SNUPN: variants seen among roughly 807,000 people sequenced by gnomAD.
The protein encoded by SNUPN is snurportin-1.
In SNUPN, 31 loss-of-function variants were observed where a neutral mutation model predicts 39.2. The ratio of observed to expected loss-of-function variants is 0.79; its 90% confidence interval spans 0.59 to 1.07. The LOEUF is 1.07. Among genes scored for constraint, SNUPN ranks in the 50% least tolerant of loss-of-function variants. The probability of loss-of-function intolerance (pLI) is 0.00; values close to 1 mark genes in which losing one functional copy is unlikely to be tolerated. For synonymous variants in SNUPN, 132 were observed against 159.0 expected (o/e 0.83, Z 1.28); for missense variants, 382 against 434.2 (o/e 0.88, Z 1.07).
At chr15:75,611,848 C>A in intron 3 of SNUPN, among the ~76,000 whole-genome samples, 1 of 151,766 alleles carries the variant, frequency 6.6e-6, no homozygotes, top group East Asian at 2.0e-4. Flanking sequence ...AGCGAGACCC[C>A]GTCTCAAAAA....
chr15:75,602,936 G>A (rs2075300454), intron 7 of SNUPN, among the ~76,000 whole-genome samples: 1 of 152,030 alleles, frequency 6.6e-6, no homozygotes, highest in Non-Finnish European at 1.5e-5. Context: ...CTTTTGTAGA[G>A]ATGGGGTTTT....
rs560019097 is a variant in SNUPN, at chr15:75,609,767, C to T, written c.409-116G>A. Reference sequence around the variant, plus strand: ...AGATGGCTCTCAACAAACCTTCCTGCAGGAAAGTGTTTCAAGCTCCACTCC... The same window carrying T: ...AGATGGCTCTCAACAAACCTTCCTGTAGGAAAGTGTTTCAAGCTCCACTCC... On this transcript the variant is annotated intron_variant, in intron 4 of 8. Coordinates refer to ENST00000308588, the MANE Select transcript of SNUPN (RefSeq NM_005701.4). 35 of 1,141,910 alleles carry T rather than the reference C, an allele frequency of 3.1e-5. No individual in the cohort carries two copies. In the East Asian group the frequency reaches 8.0e-4, roughly 26 times the overall value. 70.7% of individuals were successfully genotyped at this position (1,141,910 alleles called of 1,614,324 possible).
chr15:75,609,174 C>CTTTTTTT (rs1205961290), intron 5 of SNUPN, among the ~76,000 whole-genome samples: 4 of 89,672 alleles, frequency 4.5e-5, no homozygotes, highest in Non-Finnish European at 9.6e-5. Context: ...CAAAGTGGGT[C>CTTTTTTT]TTTTTTTTTT....
At chr15:75,623,928 T>A (rs1893143393) in intron 1 of SNUPN, among the ~76,000 whole-genome samples, 2 of 144,284 alleles carry the variant, frequency 1.4e-5, no homozygotes, top group Admixed American at 1.4e-4. Context: ...TGATAAAATT[T>A]TTTTTTTTTT....
At chr15:75,620,648 A>C (rs1457259854) in intron 2 of SNUPN, among the ~76,000 whole-genome samples, 2 of 152,168 alleles carry the variant, frequency 1.3e-5, no homozygotes, top group African/African-American at 2.4e-5. Flanking sequence ...AGAAAAACTT[A>C]ACCAAATAAT....
At chr15:75,605,641 A>T (rs1595982891) in intron 6 of SNUPN, among the ~76,000 whole-genome samples, 1 of 152,318 alleles carries the variant, frequency 6.6e-6, no homozygotes, top group African/African-American at 2.4e-5. Flanking sequence ...TTGGAAATTT[A>T]AAAAGATACA....
intron 1 of SNUPN, among the ~76,000 whole-genome samples, chr15:75,624,385 G>A (rs1248223200): frequency 2.0e-5 from 3 of 149,990 alleles, no homozygotes; most frequent in Non-Finnish European, 4.4e-5. Context: ...TGGGCCTGGC[G>A]CGGTGGCTCA....
In SNUPN at chr15:75,607,126, T is replaced by A; in HGVS notation, c.600+90A>T. Reference sequence around the variant, plus strand: ...ACCACATCCTGTGCACACCAAGAAGTTGGTCACATACCAAACCCACATGCT... The same window carrying A: ...ACCACATCCTGTGCACACCAAGAAGATGGTCACATACCAAACCCACATGCT... On this transcript the variant is annotated intron_variant, in intron 6 of 8. Transcript: ENST00000308588. 4 of 843,382 alleles carry A rather than the reference T, an allele frequency of 4.7e-6. 1 individual carries two copies. In the South Asian group the frequency reaches 5.3e-5, roughly 11 times the overall value. 52.2% of individuals were successfully genotyped at this position (843,382 alleles called of 1,614,324 possible).
At chr15:75,623,387 G>T (rs1020509259) in intron 1 of SNUPN, among the ~76,000 whole-genome samples, 1 of 151,628 alleles carries the variant, frequency 6.6e-6, no homozygotes, top group East Asian at 1.9e-4. Context: ...CCGACCTCCT[G>T]ATCTGCCCAC....
chr15:75,611,243 G>C (rs902501711), intron 3 of SNUPN, among the ~76,000 whole-genome samples: 1 of 150,502 alleles, frequency 6.6e-6, no homozygotes, highest in African/African-American at 2.4e-5. Context: ...CTTCCCTTTA[G>C]GCACTCACTC....
chr15:75,623,663 T>C (rs903422505), intron 1 of SNUPN, among the ~76,000 whole-genome samples: 1 of 152,050 alleles, frequency 6.6e-6, no homozygotes, highest in Admixed American at 6.6e-5. Context: ...GTGGCTGGTC[T>C]GAAACTCCTG....
In SNUPN at chr15:75,598,437, T is replaced by A. The variant is rs2075258927; in HGVS notation, c.1004A>T (p.Glu335Val). 9 of 1,614,184 alleles carry A rather than the reference T, an allele frequency of 5.6e-6. No individual in the cohort carries two copies. The highest frequency in any genetic ancestry group is 7.6e-6 in the Non-Finnish European group (9 of 1,180,024). ...THKASENGHYELEHLSTPKLK... is the reference protein window; with the variant it reads ...THKASENGHYVLEHLSTPKLK... ...CTTGGGAGTAGACAGGTGCTCCAAT[T>A]CATAGTGCCCATTCTCAGAGGCCTT... is the stretch of plus-strand genomic sequence containing the variant. The change falls in exon 9 of 9, where the codon GAA becomes GTA. Residue 335 changes from glutamate (E) to valine (V), a missense_variant. Physicochemically the swap from Glu to Val is moderately radical, Grantham distance 121 (BLOSUM62 -2). Coordinates refer to ENST00000308588, the MANE Select transcript of SNUPN (RefSeq NM_005701.4).
chr15:75,598,990 G>C (rs1479112241), intron 8 of SNUPN, among the ~76,000 whole-genome samples: 1 of 151,670 alleles, frequency 6.6e-6, no homozygotes, highest in Non-Finnish European at 1.5e-5. Context: ...AACATGGTAA[G>C]ACTCCATTTC....
At chr15:75,624,690 C>A in intron 1 of SNUPN, 1 of 1,237,748 alleles carries the variant, frequency 8.1e-7, no homozygotes, top group Non-Finnish European at 1.0e-6. Context: ...AACTGATGTC[C>A]TGGATACTGG....
At chr15:75,626,106 C>T (rs2141384722), upstream of SNUPN, 1 of 152,426 alleles carries the variant, frequency 6.6e-6, no homozygotes, top group East Asian at 1.9e-4. Flanking sequence ...CTGGAGTCCC[C>T]TTCCCCTCTT....
rs796808769 is a variant in SNUPN, at chr15:75,601,466, T to C, written c.679-248A>G. Among the ~76,000 whole-genome samples, 3 of 152,034 alleles carry C rather than the reference T, an allele frequency of 2.0e-5. No homozygotes were observed. In the South Asian group the frequency reaches 6.2e-4, roughly 32 times the overall value. The stretch of plus-strand genomic sequence containing the variant: ...GGCATGTGCCTGTAGTCCAAGCTAC[T>C]TGGGAGGTTGAGGGAGGAAAATAGC... On this transcript the variant is annotated intron_variant, in intron 7 of 8. Transcript: ENST00000308588.
chr15:75,612,956 T>A (rs890917639), intron 3 of SNUPN, among the ~76,000 whole-genome samples: 7 of 151,856 alleles, frequency 4.6e-5, no homozygotes, highest in Admixed American at 1.3e-4. Flanking sequence ...ATAAGAAACT[T>A]GTATCTAGAA....
chr15:75,606,009 G>T (rs899709085), intron 6 of SNUPN, among the ~76,000 whole-genome samples: 1 of 152,188 alleles, frequency 6.6e-6, no homozygotes, highest in African/African-American at 2.4e-5. Flanking sequence ...GCTGGGTGTG[G>T]TGGCAAGCGC....
chr15:75,620,472 CA>C (rs898421519), intron 2 of SNUPN, among the ~76,000 whole-genome samples: 1 of 152,044 alleles, frequency 6.6e-6, no homozygotes, highest in African/African-American at 2.4e-5. Flanking sequence ...CCAAGAGTGC[CA>C]CAGAAACATT....
Sources: gnomAD v4.1 joint callset for allele counts (sites outside exome capture counted in the v4.1 genomes callset) on GRCh38, gnomAD v4.1.1 for gene constraint, MANE v1.5 for transcripts, NCBI Gene and HGNC (gene_info 2026-07-23, HGNC 2026-07-21) for gene names.